Variants in ARK2C observed in about 807,000 individuals in gnomAD.
ARK2C encodes E3 ubiquitin-protein ligase ARK2C.
the ARK2C span, among the ~76,000 whole-genome samples, chr18:46,393,632 C>A: frequency 6.6e-6 from 1 of 152,204 alleles, no homozygotes; most frequent in Admixed American, 6.5e-5. Flanking sequence ...GGTCACCCCA[C>A]CCCCAGTTCT....
the ARK2C span, among the ~76,000 whole-genome samples, chr18:46,357,942 T>C: frequency 6.6e-6 from 1 of 152,210 alleles, no homozygotes; most frequent in South Asian, 2.1e-4. Context: ...TGGGGCTCCC[T>C]GGCTTGTAGC....
At chr18:46,350,818 C>T in the ARK2C span, among the ~76,000 whole-genome samples, 17 of 152,202 alleles carry the variant, frequency 1.1e-4, no homozygotes, top group South Asian at 2.1e-4. Flanking sequence ...GTCTTATTTA[C>T]GGCCAATATT....
chr18:46,355,608 T>G, the ARK2C span, among the ~76,000 whole-genome samples: 1 of 152,208 alleles, frequency 6.6e-6, no homozygotes. Context: ...TCCAGACACT[T>G]GGGGACCTCC....
the ARK2C span, among the ~76,000 whole-genome samples, chr18:46,377,997 G>C: frequency 2.0e-5 from 3 of 152,042 alleles, no homozygotes; most frequent in Admixed American, 1.3e-4. Context: ...GAGAGGAGGG[G>C]TGGGTTTAAG....
the ARK2C span, among the ~76,000 whole-genome samples, chr18:46,429,317 T>C: frequency 1.3e-5 from 2 of 152,232 alleles, no homozygotes; most frequent in Non-Finnish European, 2.9e-5. Flanking sequence ...ATAAGACACA[T>C]TGAGCCAAGC....
At chr18:46,367,841 C>T in the ARK2C span, among the ~76,000 whole-genome samples, 2 of 152,308 alleles carry the variant, frequency 1.3e-5, no homozygotes, top group East Asian at 1.9e-4. Flanking sequence ...TCGGATTTCT[C>T]GGCTCTGCTT....
chr18:46,398,910 T>G, the ARK2C span, among the ~76,000 whole-genome samples: 1 of 151,780 alleles, frequency 6.6e-6, no homozygotes, highest in African/African-American at 2.4e-5. Flanking sequence ...GATGCACATG[T>G]AGGGCAGTGG....
the ARK2C span, among the ~76,000 whole-genome samples, chr18:46,364,490 C>A: frequency 1.3e-5 from 2 of 152,082 alleles, no homozygotes; most frequent in African/African-American, 2.4e-5. Context: ...CCCAGAGAAC[C>A]CTTCGTGATG....
the ARK2C span, chr18:46,435,397 G>A: frequency 6.2e-7 from 1 of 1,609,976 alleles, no homozygotes; most frequent in Non-Finnish European, 8.5e-7. Context: ...GCACTGACTG[G>A]TGAGTCTTCA....
chr18:46,398,357 G>A, the ARK2C span, among the ~76,000 whole-genome samples: 4 of 151,942 alleles, frequency 2.6e-5, no homozygotes, highest in South Asian at 2.1e-4. Flanking sequence ...GACACCAGGC[G>A]AGCAGGTGTT....
chr18:46,413,868 A>G, the ARK2C span, among the ~76,000 whole-genome samples: 1 of 152,060 alleles, frequency 6.6e-6, no homozygotes, highest in Non-Finnish European at 1.5e-5. Flanking sequence ...CCTCATGGGG[A>G]GCCTTGTTGT....
the ARK2C span, chr18:46,386,050 C>A: frequency 1.3e-5 from 2 of 152,124 alleles, no homozygotes; most frequent in Admixed American, 1.3e-4. Context: ...GCTGTTTTGC[C>A]AAAAATAAAG....
chr18:46,381,767 G>T, the ARK2C span, among the ~76,000 whole-genome samples: 1 of 152,000 alleles, frequency 6.6e-6, no homozygotes, highest in Non-Finnish European at 1.5e-5. Flanking sequence ...GGATATTGAG[G>T]CTACAGTGAG....
chr18:46,453,713 T>G, the ARK2C span, among the ~76,000 whole-genome samples: 1 of 151,848 alleles, frequency 6.6e-6, no homozygotes, highest in Non-Finnish European at 1.5e-5. Context: ...TACTTTAAAA[T>G]AGTAATGATG....
the ARK2C span, among the ~76,000 whole-genome samples, chr18:46,408,700 C>G: frequency 6.6e-6 from 1 of 152,214 alleles, no homozygotes; most frequent in Admixed American, 6.5e-5. Flanking sequence ...GTTGCTGGAA[C>G]AGTCCGAGGT....
chr18:46,424,446 C>T, the ARK2C span, among the ~76,000 whole-genome samples: 11 of 152,140 alleles, frequency 7.2e-5, no homozygotes, highest in Non-Finnish European at 1.3e-4. Context: ...AGAGGGATTT[C>T]GAAGGTCAGC....
the ARK2C span, among the ~76,000 whole-genome samples, chr18:46,362,909 C>G: frequency 1.3e-5 from 2 of 152,200 alleles, no homozygotes; most frequent in Non-Finnish European, 2.9e-5. Context: ...GAAGAAAAAT[C>G]ACCGGGAGGG....
At chr18:46,435,380 G>A in the ARK2C span, 11 of 1,613,918 alleles carry the variant, frequency 6.8e-6, no homozygotes, top group Non-Finnish European at 9.3e-6. Flanking sequence ...CAGGTATTTG[G>A]CTGAGGGCAC....
chr18:46,346,615 T>TA, the ARK2C span, among the ~76,000 whole-genome samples: 2 of 152,120 alleles, frequency 1.3e-5, no homozygotes, highest in Non-Finnish European at 2.9e-5. Flanking sequence ...CAGTCTCTTC[T>TA]AAAAAAATGG....
Sources: allele counts gnomAD v4.1 joint callset (sites outside exome capture counted in the v4.1 genomes callset), GRCh38; gene constraint gnomAD v4.1.1; transcripts MANE v1.5; gene names NCBI Gene and HGNC (gene_info 2026-07-23, HGNC 2026-07-21).